The following INTS6 variants were observed in gnomAD, a reference collection of about 807,000 sequenced individuals.
INTS6 encodes DEAD box protein.
A neutral mutation model predicts 104.9 loss-of-function variants in INTS6; 16 were observed. That is an observed-to-expected ratio of 0.15 (90% CI 0.10 to 0.23). INTS6 has a LOEUF of 0.23. INTS6 is among the 10% of genes least tolerant of loss of function. The pLI, the probability that INTS6 is intolerant of heterozygous loss-of-function variation, is 1.00. For missense variants in INTS6, 584 were observed against 1,062.8 expected (o/e 0.55, Z 6.26); for synonymous variants, 324 against 358.7 (o/e 0.90, Z 1.09).
chr13:51,436,031 G>C (rs11842573), intron 3 of INTS6, among the ~76,000 whole-genome samples: 3,540 of 152,040 alleles, frequency 0.023, 56 homozygotes, highest in South Asian at 0.057. Flanking sequence ...TAAAATCTCA[G>C]GTAGTGTAGT....
downstream of INTS6, among the ~76,000 whole-genome samples, chr13:51,350,082 C>G (rs147339386): frequency 2.0e-5 from 3 of 152,248 alleles, no homozygotes; most frequent in Non-Finnish European, 4.4e-5. Context: ...ATCACTCATT[C>G]TTCTTTTAGT....
Position 51,399,743 on chromosome 13 carries a change from G to A in INTS6, c.430-4260C>T, listed in dbSNP as rs1389170143. Among the ~76,000 whole-genome samples, 12 of 151,904 alleles carry A rather than the reference G, an allele frequency of 7.9e-5. No homozygotes were observed. The South Asian group carries it at 1.2e-3, about 16-fold the overall frequency. The stretch of plus-strand genomic sequence containing the variant: ...GTGTGCGTGTGTGTGCGTGTGTGTA[G>A]TGGGGTGGGGTTTTAATTTCCCTGA... On this transcript the variant is annotated intron_variant, in intron 4 of 17. Transcript: ENST00000311234.
Position 51,452,028 on chromosome 13 carries a change from C to T in INTS6, c.139G>A (p.Gly47Arg). 6.2e-7 allele frequency: 1 copy of T among 1,610,308 alleles called. No homozygotes were observed. ...KLRARDPASRGDRYMLVTFEE... is the reference protein window; with the variant it reads ...KLRARDPASRRDRYMLVTFEE... ...AAAGTGACCAGCATATACCTGTCTC[C>T]TCTGCTGGCAGGGTCCCGGGCACGG... The change falls in exon 2 of 18, where the codon GGA (glycine) becomes AGA (arginine). Residue 47 changes from glycine (G) to arginine (R), a missense_variant. Gly to Arg is a moderately radical substitution (Grantham distance 125). Transcript: ENST00000311234. This position sits in a 1 kb window ranked among gnomAD's most constrained non-coding sequence, Gnocchi z 4.2.
chr13:51,448,556 T>C (rs868260705), intron 3 of INTS6: 6 of 152,176 alleles, frequency 3.9e-5, no homozygotes, highest in African/African-American at 1.4e-4. Context: ...GTTTTATCTG[T>C]AGGTATGTTA....
chr13:51,449,064 C>T (rs764814047), intron 3 of INTS6: 9 of 152,094 alleles, frequency 5.9e-5, no homozygotes, highest in Non-Finnish European at 1.0e-4. Flanking sequence ...TGAAAAAAAT[C>T]TTCTGGAAGA....
chr13:51,441,526 T>C (rs1340776182), intron 3 of INTS6: 1 of 152,146 alleles, frequency 6.6e-6, no homozygotes, highest in African/African-American at 2.4e-5. Flanking sequence ...CTTAGAAATT[T>C]TCAAAACTAC....
chr13:51,420,815 G>A (rs1247386229), intron 4 of INTS6, among the ~76,000 whole-genome samples: 1 of 146,924 alleles, frequency 6.8e-6, no homozygotes, highest in African/African-American at 2.5e-5. Flanking sequence ...TGTAACCAAA[G>A]TGTTCCTTAG....
intron 15 of INTS6, 63 bp from the exon 16 acceptor site, chr13:51,369,373 G>A (rs1955761237): frequency 6.8e-7 from 1 of 1,473,222 alleles, no homozygotes; most frequent in Non-Finnish European, 9.1e-7. Flanking sequence ...AGTAAATAAA[G>A]CTACAAAAGA....
chr13:51,412,057 T>C (rs1288706703), intron 4 of INTS6, among the ~76,000 whole-genome samples: 1 of 152,196 alleles, frequency 6.6e-6, no homozygotes, highest in African/African-American at 2.4e-5. Flanking sequence ...ACATATTATA[T>C]ACAGTGTATA....
chr13:51,390,422 G>C (rs1334157963), intron 5 of INTS6, among the ~76,000 whole-genome samples: 3 of 151,378 alleles, frequency 2.0e-5, no homozygotes, highest in African/African-American at 7.3e-5. Flanking sequence ...TTTTAAAGTG[G>C]CTACTATGAA....
intron 4 of INTS6, 49 bp downstream of exon 4, chr13:51,430,245 G>A (rs761744960): frequency 6.8e-7 from 1 of 1,477,018 alleles, no homozygotes; most frequent in African/African-American, 1.4e-5. Context: ...AAAAATAAAG[G>A]ATTGTTCAAC....
intron 3 of INTS6, chr13:51,441,069 C>T (rs1029307575): frequency 6.6e-6 from 1 of 152,080 alleles, no homozygotes; most frequent in African/African-American, 2.4e-5. Context: ...ACTTCTAATC[C>T]TCACAAAATT....
At chr13:51,387,745 TC>T (rs570022861) in intron 6 of INTS6, among the ~76,000 whole-genome samples, 16 of 152,276 alleles carry the variant, frequency 1.1e-4, no homozygotes, top group Admixed American at 1.0e-3. Context: ...AAGTACAAAT[TC>T]CAACTATGAG....
intron 2 of INTS6, 139 bp from the exon 3 acceptor site, chr13:51,451,313 G>T: frequency 1.9e-6 from 1 of 524,600 alleles, no homozygotes; most frequent in Non-Finnish European, 3.0e-6. Context: ...CTGTACCGCT[G>T]CTGAGGAAAC....
chr13:51,445,228 C>G (rs1037555443), intron 3 of INTS6: 1 of 152,110 alleles, frequency 6.6e-6, no homozygotes, highest in Non-Finnish European at 1.5e-5. Context: ...TTTAACACTT[C>G]TTTAAAAACA....
intron 4 of INTS6, among the ~76,000 whole-genome samples, chr13:51,406,700 C>T (rs1956573847): frequency 6.6e-6 from 1 of 152,090 alleles, no homozygotes; most frequent in African/African-American, 2.4e-5. Context: ...AATAATATTA[C>T]TCAGCATGGT....
At chr13:51,336,851 A>C in the INTS6 span, among the ~76,000 whole-genome samples, 3 of 152,232 alleles carry the variant, frequency 2.0e-5, no homozygotes, top group Non-Finnish European at 4.4e-5. Flanking sequence ...GAAAGGTATC[A>C]AAAAGTAGAG....
At chr13:51,376,008 A>C (rs1250169109) in intron 13 of INTS6, 40 bp downstream of exon 13, 1 of 1,545,582 alleles carries the variant, frequency 6.5e-7, no homozygotes, top group Non-Finnish European at 8.7e-7. Context: ...ACTATAAAGA[A>C]AAAAAATTAA....
At chr13:51,423,088 T>C (rs1480310283) in intron 4 of INTS6, 1 of 1,276,982 alleles carries the variant, frequency 7.8e-7, no homozygotes, top group African/African-American at 1.5e-5. Context: ...GTGTCCCCAG[T>C]ACCTAGAACA....
Sources: allele counts gnomAD v4.1 joint callset (sites outside exome capture counted in the v4.1 genomes callset), GRCh38; gene constraint gnomAD v4.1.1; non-coding constraint Gnocchi (gnomAD v3.1); transcripts MANE v1.5; gene names NCBI Gene and HGNC (gene_info 2026-07-23, HGNC 2026-07-21).